Variants in MACROD2 observed in about 807,000 individuals in gnomAD.
MACROD2 encodes mono-ADP ribosylhydrolase 2.
A neutral mutation model predicts 70.4 loss-of-function variants in MACROD2; 36 were observed. The ratio of observed to expected loss-of-function variants is 0.51; its 90% CI spans 0.39 to 0.68. The LOEUF (loss-of-function observed/expected upper bound fraction) is 0.68. Ranked by LOEUF, MACROD2 falls within the 30% of genes least tolerant of loss-of-function variation. The probability of loss-of-function intolerance (pLI) is 0.00; values close to 1 mark genes in which losing one functional copy is unlikely to be tolerated. For missense variants in MACROD2, 496 were observed against 538.4 expected (o/e 0.92, Z 0.78); for synonymous variants, 172 against 178.8 (o/e 0.96, Z 0.30).
intron 3 of MACROD2, among the ~76,000 whole-genome samples, chr20:14,241,426 T>A (rs1157898079): frequency 6.6e-6 from 1 of 152,180 alleles, no homozygotes; most frequent in Non-Finnish European, 1.5e-5. Flanking sequence ...GATAACAACA[T>A]GAACCACTGC....
chr20:15,188,954 C>A (rs2076551745), intron 5 of MACROD2, among the ~76,000 whole-genome samples: 1 of 152,138 alleles, frequency 6.6e-6, no homozygotes, highest in East Asian at 1.9e-4. Context: ...ATGTCACAGA[C>A]ATCAGTGCTA....
At chr20:14,652,385 A>G (rs905142857) in intron 4 of MACROD2, among the ~76,000 whole-genome samples, 1 of 152,222 alleles carries the variant, frequency 6.6e-6, no homozygotes, top group East Asian at 1.9e-4. Context: ...TGTAGATACC[A>G]TACACATTAT....
At chr20:15,469,208 A>G (rs999644282) in intron 7 of MACROD2, among the ~76,000 whole-genome samples, 2 of 152,224 alleles carry the variant, frequency 1.3e-5, no homozygotes, top group African/African-American at 4.8e-5. Context: ...AATGTATATA[A>G]TATGCACAAA....
At chr20:15,210,448 A>C (rs139523592) in intron 5 of MACROD2, among the ~76,000 whole-genome samples, 2 of 151,918 alleles carry the variant, frequency 1.3e-5, no homozygotes, top group Non-Finnish European at 2.9e-5. Context: ...AATATCAAAT[A>C]ATTAACCATT....
intron 2 of MACROD2, among the ~76,000 whole-genome samples, chr20:14,032,461 A>G (rs532785844): frequency 2.8e-4 from 43 of 152,302 alleles, no homozygotes; most frequent in South Asian, 2.3e-3. Context: ...TGCCAACAAA[A>G]GGTACAAATA....
At chr20:14,408,534 C>G (rs1185888355) in intron 3 of MACROD2, among the ~76,000 whole-genome samples, 1 of 152,070 alleles carries the variant, frequency 6.6e-6, no homozygotes, top group Admixed American at 6.6e-5. Flanking sequence ...TTTAAATTTT[C>G]AGCGAACATG....
chr20:14,493,674 T>A, intron 4 of MACROD2, 166 bp downstream of exon 4: 1 of 562,912 alleles, frequency 1.8e-6, no homozygotes, highest in Admixed American at 3.1e-5. Flanking sequence ...ATACCTTGGT[T>A]TGCTTAAATG....
intron 6 of MACROD2, among the ~76,000 whole-genome samples, chr20:15,285,569 G>T (rs1465710701): frequency 6.6e-6 from 1 of 152,078 alleles, no homozygotes; most frequent in African/African-American, 2.4e-5. Context: ...GGTGAATTTT[G>T]CTGGTCTGTT....
At position 14,910,949 on chromosome 20, in the gene MACROD2, T is replaced by G. The variant is rs116407468; in HGVS notation, c.418+225990T>G. Among the ~76,000 whole-genome samples, 1,229 of 152,280 alleles carry G rather than the reference T, an allele frequency of 8.1e-3. 16 individuals are homozygous for G. Among genetic ancestry groups the G allele is most frequent in the African/African-American group, 0.028 (1,157 of 41,564 alleles). ...CAACCCAGTACACACATACGTATGTTATTGAAAATTAAAGTTTCATGAAAA... is the reference window on the plus strand; with the variant it reads ...CAACCCAGTACACACATACGTATGTGATTGAAAATTAAAGTTTCATGAAAA... On this transcript the variant is annotated intron_variant, in intron 5 of 17. Coordinates refer to ENST00000684519, the MANE Select transcript of MACROD2 (RefSeq NM_001351661.2).
chr20:14,612,929 G>A (rs1230897262), intron 4 of MACROD2, among the ~76,000 whole-genome samples: 1 of 151,952 alleles, frequency 6.6e-6, no homozygotes. Flanking sequence ...GTACTTTCAG[G>A]CTTGTACTTT....
At chr20:15,099,968 A>G (rs1486087306) in intron 5 of MACROD2, among the ~76,000 whole-genome samples, 1 of 152,150 alleles carries the variant, frequency 6.6e-6, no homozygotes, top group Non-Finnish European at 1.5e-5. Flanking sequence ...AAAGAAAAAA[A>G]AAGAAATGGG....
At chr20:14,466,864 CAA>C (rs2084457284) in intron 3 of MACROD2, among the ~76,000 whole-genome samples, 1 of 152,074 alleles carries the variant, frequency 6.6e-6, no homozygotes, top group East Asian at 1.9e-4. Flanking sequence ...TGGTGAACCA[CAA>C]ATGCTGCTGC....
chr20:14,456,995 T>C (rs1473921199), intron 3 of MACROD2, among the ~76,000 whole-genome samples: 7 of 151,988 alleles, frequency 4.6e-5, no homozygotes, highest in Admixed American at 4.6e-4. Context: ...TTGGACTTTA[T>C]TTTGCAGCTA....
At chr20:14,902,403 A>C (rs1196687571) in intron 5 of MACROD2, among the ~76,000 whole-genome samples, 1 of 152,216 alleles carries the variant, frequency 6.6e-6, no homozygotes, top group African/African-American at 2.4e-5. Context: ...AAAAGAGAGA[A>C]CATTTCAAAG....
chr20:15,576,987 G>A (rs1482462140), intron 8 of MACROD2, among the ~76,000 whole-genome samples: 1 of 152,018 alleles, frequency 6.6e-6, no homozygotes, highest in East Asian at 1.9e-4. Flanking sequence ...CCATCTGAAG[G>A]GAAACACTTC....
chr20:14,611,194 G>A (rs1203722180), intron 4 of MACROD2, among the ~76,000 whole-genome samples: 4 of 152,076 alleles, frequency 2.6e-5, no homozygotes, highest in Admixed American at 1.3e-4. Context: ...GCTTGGACAA[G>A]TCATATAGCC....
At chr20:15,023,504 TCA>T (rs771609418) in intron 5 of MACROD2, among the ~76,000 whole-genome samples, 3 of 152,152 alleles carry the variant, frequency 2.0e-5, no homozygotes, top group Non-Finnish European at 4.4e-5. Context: ...TAGTCTGTTC[TCA>T]CACTGCTAAT....
chr20:15,381,042 C>A (rs2045636375), intron 6 of MACROD2, among the ~76,000 whole-genome samples: 1 of 152,130 alleles, frequency 6.6e-6, no homozygotes, highest in Non-Finnish European at 1.5e-5. Context: ...AGATTGACTA[C>A]AGGTACAAAA....
intron 4 of MACROD2, among the ~76,000 whole-genome samples, chr20:14,539,003 A>G (rs999588446): frequency 1.3e-5 from 2 of 152,222 alleles, no homozygotes; most frequent in Admixed American, 6.5e-5. Context: ...GCACATAATG[A>G]GCATTCAGTA....
Sources: gnomAD v4.1 joint callset for allele counts (sites outside exome capture counted in the v4.1 genomes callset) on GRCh38, gnomAD v4.1.1 for gene constraint, MANE v1.5 for transcripts, NCBI Gene and HGNC (gene_info 2026-07-23, HGNC 2026-07-21) for gene names.